Variants in IQSEC1 observed in about 807,000 individuals in gnomAD.
IQSEC1 encodes the protein IQ motif and SEC7 domain-containing protein 1.
A neutral mutation model predicts 91.0 loss-of-function variants in IQSEC1; 31 were observed. The ratio of observed to expected loss-of-function variants is 0.34; its 90% CI spans 0.26 to 0.46. The LOEUF (loss-of-function observed/expected upper bound fraction) is 0.46. Among genes scored for constraint, IQSEC1 ranks in the 20% least tolerant of loss-of-function variants. The pLI, the probability that IQSEC1 is intolerant of heterozygous loss-of-function variation, is 1.00. For synonymous variants in IQSEC1, 699 were observed against 662.6 expected, an observed-to-expected ratio of 1.05 and a Z score of -0.84; for missense variants, 1,388 against 1,575.6, an observed-to-expected ratio of 0.88 and a Z score of 2.02.
intron 3 of IQSEC1, among the ~76,000 whole-genome samples, chr3:12,927,483 C>CCTTCCCCACACAGGTGCATGCTCTAA (rs1286623443): frequency 2.6e-5 from 4 of 151,324 alleles, no homozygotes; most frequent in African/African-American, 7.4e-5. Context: ...CTGTCTGGTC[C>CCTTCCCCACACAGGTGCATGCTCTAA]CTCCAGGCCA....
At chr3:12,956,378 A>T (rs923989440) in intron 1 of IQSEC1, among the ~76,000 whole-genome samples, 4 of 152,050 alleles carry the variant, frequency 2.6e-5, no homozygotes, top group Non-Finnish European at 4.4e-5. Context: ...GGGTTCAAGA[A>T]CTCCCACAGC....
chr3:13,009,287 T>C (rs1269859138), intron 1 of IQSEC1, among the ~76,000 whole-genome samples: 1 of 152,140 alleles, frequency 6.6e-6, no homozygotes, highest in African/African-American at 2.4e-5. Context: ...CACCTCTCCA[T>C]GTGGTGGCGG....
At chr3:13,200,109 A>G (rs1278969166) in intron 1 of IQSEC1, among the ~76,000 whole-genome samples, 1 of 151,400 alleles carries the variant, frequency 6.6e-6, no homozygotes, top group African/African-American at 2.4e-5. Context: ...GCGCACGCAC[A>G]CACACATACA....
At chr3:13,173,742 C>T (rs1389319050) in intron 1 of IQSEC1, among the ~76,000 whole-genome samples, 3 of 152,222 alleles carry the variant, frequency 2.0e-5, no homozygotes, top group Non-Finnish European at 4.4e-5. Context: ...GCCTCAGTTT[C>T]CCCATTTGTC....
intron 2 of IQSEC1, among the ~76,000 whole-genome samples, chr3:13,120,823 C>T (rs187252957): frequency 2.4e-4 from 37 of 152,280 alleles, no homozygotes; most frequent in African/African-American, 7.9e-4. Context: ...AGGGCCAAAC[C>T]GGTCACCTGT....
At chr3:13,279,053 C>G (rs920081503) in intron 1 of IQSEC1, among the ~76,000 whole-genome samples, 3 of 152,172 alleles carry the variant, frequency 2.0e-5, no homozygotes, top group Non-Finnish European at 4.4e-5. Flanking sequence ...AGGGCAGGCA[C>G]ACAGGAAGCC....
At chr3:12,916,697 A>G (rs1696127151) in intron 6 of IQSEC1, among the ~76,000 whole-genome samples, 1 of 152,244 alleles carries the variant, frequency 6.6e-6, no homozygotes, top group Admixed American at 6.5e-5. Context: ...AATGAGACAC[A>G]TACAACGTTA....
intron 1 of IQSEC1, among the ~76,000 whole-genome samples, chr3:13,227,300 C>T (rs548764559): frequency 5.9e-4 from 79 of 134,306 alleles, no homozygotes; most frequent in Non-Finnish European, 1.0e-3. Context: ...TACTCGAACC[C>T]GGGAGGCAGA....
At chr3:12,945,969 C>A (rs539556026) in intron 1 of IQSEC1, among the ~76,000 whole-genome samples, 2 of 152,342 alleles carry the variant, frequency 1.3e-5, no homozygotes, top group Non-Finnish European at 2.9e-5. Context: ...TACAGCAACA[C>A]TCTGGGCTCT....
At chr3:13,256,354 A>C (rs984321604) in intron 1 of IQSEC1, among the ~76,000 whole-genome samples, 2 of 152,246 alleles carry the variant, frequency 1.3e-5, no homozygotes, top group East Asian at 3.8e-4. Context: ...TCTTTTAACC[A>C]TAAAAAAATC....
rs538723857 is a variant in IQSEC1 at position 12,961,491 on chromosome 3, G to A, written c.24-19626C>T. Among the ~76,000 whole-genome samples the A allele has an allele frequency of 5.3e-5, 8 of 152,316 alleles. No homozygotes were observed. In the East Asian group the frequency reaches 1.5e-3, roughly 29 times the overall value. On this transcript the variant is annotated intron_variant, in intron 1 of 13. Coordinates refer to ENST00000613206, the MANE Select transcript of IQSEC1 (RefSeq NM_001134382.3). ...CAGCACGCTACAAGCACAAGCTAAA[G>A]TCCATGGGCTTAGTCACTTCTTACT...
chr3:13,205,193 C>T (rs906523250), intron 1 of IQSEC1, among the ~76,000 whole-genome samples: 1 of 152,092 alleles, frequency 6.6e-6, no homozygotes, highest in African/African-American at 2.4e-5. Flanking sequence ...TCTCCCACCC[C>T]ATCCTGAACA....
At position 13,164,277 on chromosome 3, in the gene IQSEC1, C is replaced by T. The variant is rs551502618; in HGVS notation, c.273-144G>A. Reference sequence around the variant, plus strand: ...CTCAGCAGACATCCGCAGGCCCAATCCTCCGGGGTCTCTTGCTGCTGTTCC... The same window carrying T: ...CTCAGCAGACATCCGCAGGCCCAATTCTCCGGGGTCTCTTGCTGCTGTTCC... On this transcript the variant is annotated intron_variant, in intron 1 of 15. Transcript: ENST00000648114. Among the ~76,000 whole-genome samples the T allele has an allele frequency of 2.4e-4, 37 of 152,308 alleles. No homozygotes were observed. In the South Asian group the frequency reaches 7.7e-3, roughly 32 times the overall value.
At chr3:13,200,747 CA>C (rs1011952755) in intron 1 of IQSEC1, among the ~76,000 whole-genome samples, 2 of 152,236 alleles carry the variant, frequency 1.3e-5, no homozygotes, top group Non-Finnish European at 2.9e-5. Context: ...CCTTACATTT[CA>C]CACACATGTT....
intron 1 of IQSEC1, among the ~76,000 whole-genome samples, chr3:13,267,610 TTTTTC>T (rs1695515040): frequency 6.7e-6 from 1 of 149,886 alleles, no homozygotes; most frequent in African/African-American, 2.5e-5. Context: ...ATTTCTTTTT[TTTTTC>T]TTTTTCTTTT....
chr3:13,246,981 C>T (rs760848886), intron 1 of IQSEC1, among the ~76,000 whole-genome samples: 19 of 152,148 alleles, frequency 1.2e-4, no homozygotes, highest in Non-Finnish European at 2.1e-4. Flanking sequence ...CTGTTTGCCT[C>T]GGGTAGGCCT....
rs1427399516 is a variant in IQSEC1 at position 13,100,345 on chromosome 3, CA to C, written c.303-52824del. 2.0e-5 allele frequency among the ~76,000 whole-genome samples: 3 copies of C among 148,668 alleles called. 1 individual carries two copies. Among genetic ancestry groups the C allele is most frequent in the Admixed American group, 2.0e-4 (3 of 15,036 alleles). On this transcript the variant is annotated intron_variant, in intron 2 of 15. Transcript: ENST00000648114. The stretch of plus-strand genomic sequence containing the variant: ...CACACGCTGTTCCTTCTGCTCAGAA[CA>C]CCCTTCCCTCTCTCCTTATCTTCCT...
chr3:13,113,207 G>A (rs78506360), intron 2 of IQSEC1, among the ~76,000 whole-genome samples: 24 of 152,302 alleles, frequency 1.6e-4, no homozygotes, highest in Admixed American at 6.5e-4. Context: ...AATCTTGGTC[G>A]GCTGCCCCTT....
intron 2 of IQSEC1, among the ~76,000 whole-genome samples, chr3:13,124,660 A>G (rs1451489628): frequency 6.6e-6 from 1 of 152,198 alleles, no homozygotes; most frequent in Non-Finnish European, 1.5e-5. Context: ...TTAAGAGCTC[A>G]AGAAAGGGCA....
Sources: allele counts gnomAD v4.1 joint callset (sites outside exome capture counted in the v4.1 genomes callset), GRCh38; gene constraint gnomAD v4.1.1; transcripts MANE v1.5; gene names NCBI Gene and HGNC (gene_info 2026-07-23, HGNC 2026-07-21).